ELP4: variants seen among roughly 807,000 people sequenced by gnomAD.
The protein encoded by ELP4 is elongator complex protein 4.
ELP4 carries 51 observed loss-of-function variants against 48.9 expected under a neutral mutation model. The ratio of observed to expected loss-of-function variants is 1.04; its 90% confidence interval spans 0.83 to 1.32. The LOEUF (loss-of-function observed/expected upper bound fraction) is 1.32, where lower values mean the gene tolerates loss of function less well. Among genes scored for constraint, ELP4 ranks in the 40% most tolerant of loss-of-function variants. The pLI is 0.00. For missense variants in ELP4, 519 were observed against 514.6 expected, an observed-to-expected ratio of 1.01 and a Z score of -0.08; for synonymous variants, 210 against 189.2, an observed-to-expected ratio of 1.11 and a Z score of -0.90.
In ELP4 at chr11:31,788,684, G is replaced by A; in HGVS notation, c.*5160G>A. On this transcript the variant is annotated 3_prime_UTR_variant, in exon 10 of 10. Transcript: ENST00000640961. ...AGACTTTGAGCTTTAGAATTAAATG[G>A]CTAACTGGGAAATGTTACCATTTTG... 4.7e-6 allele frequency: 1 copy of A among 214,004 alleles called. No individual in the cohort carries two copies. The highest frequency in any genetic ancestry group is 7.0e-5 in the East Asian group (1 of 14,324). The allele number at this position is 214,004 out of a possible 1,614,324, so 13.3% of individuals were successfully genotyped here. A position where few individuals can be genotyped will look rare whatever the true frequency, so the allele number is the denominator to read the frequency against.
At position 31,787,263 on chromosome 11, in the gene ELP4, C is replaced by G; in HGVS notation, c.*3739C>G. On this transcript the variant is annotated 3_prime_UTR_variant, in exon 10 of 10. Transcript: ENST00000640961. Reference sequence around the variant, plus strand: ...CTATACCAGACTGTGCTACTTTGCCCTGGCAATCCTGACCTTCAGAGCACA... The same window carrying G: ...CTATACCAGACTGTGCTACTTTGCCGTGGCAATCCTGACCTTCAGAGCACA... 4.3e-6 allele frequency: 1 copy of G among 233,010 alleles called. No homozygotes were observed. Among genetic ancestry groups the G allele is most frequent in the Non-Finnish European group, 8.5e-6 (1 of 117,902 alleles). 14.4% of individuals were successfully genotyped at this position (233,010 alleles called of 1,614,324 possible).
chr11:31,545,950 C>G (rs181191390), intron 3 of ELP4, among the ~76,000 whole-genome samples: 302 of 151,816 alleles, frequency 2.0e-3, no homozygotes, highest in African/African-American at 6.9e-3. Flanking sequence ...ATTTTGTCAC[C>G]ACCAGGCCTG....
At chr11:31,689,244 C>A (rs1003873125) in intron 9 of ELP4, 1 of 151,916 alleles carries the variant, frequency 6.6e-6, no homozygotes, top group African/African-American at 2.4e-5. Flanking sequence ...AGTGGAAGAC[C>A]AACCTAGGCA....
chr11:31,647,790 G>A lies in ELP4; in HGVS notation c.977G>A (p.Gly326Asp). ...ACAACCTTGTCAGATGTAGTAGTTGGTCTGGAATCATTTATTGGTTCTGAG... is the reference window on the plus strand; with the variant it reads ...ACAACCTTGTCAGATGTAGTAGTTGATCTGGAATCATTTATTGGTTCTGAG... ...RVTTLSDVVV[G>D]LESFIGSERE... The change falls in exon 8 of 10, where the codon GGT becomes GAT. Residue 326 changes from glycine to aspartate, a missense_variant. Transcript: ENST00000640961. 1 of 1,609,832 alleles carries A rather than the reference G, an allele frequency of 6.2e-7. No individual in the cohort carries two copies. Among genetic ancestry groups the A allele is most frequent in the Non-Finnish European group, 8.5e-7 (1 of 1,177,082 alleles).
At position 31,627,149 on chromosome 11, in the gene ELP4, C is replaced by T; in HGVS notation, c.693C>T (p.Ile231=). 4 of 1,604,358 alleles carry T rather than the reference C, an allele frequency of 2.5e-6. No individual in the cohort carries two copies. Among genetic ancestry groups the T allele is most frequent in the Non-Finnish European group, 3.4e-6 (4 of 1,175,162 alleles). Residue 231 remains isoleucine (I), a synonymous_variant, in exon 6 of 10, where the codon ATC becomes ATT. Transcript: ENST00000640961. ...TPGYTKLLQF[I]QNIIYEEGFD... ...GCTACACAAAGCTGCTTCAGTTTAT[C>T]CAGAACATCATTTATGAGGAAGGAT...
intron 3 of ELP4, among the ~76,000 whole-genome samples, chr11:31,589,421 G>T (rs913520860): frequency 6.6e-6 from 1 of 152,194 alleles, no homozygotes; most frequent in African/African-American, 2.4e-5. Context: ...ATTCAGAAAA[G>T]AGAGAGCTAT....
chr11:31,555,412 T>C (rs1956914777), intron 3 of ELP4, among the ~76,000 whole-genome samples: 1 of 152,092 alleles, frequency 6.6e-6, no homozygotes, highest in Admixed American at 6.5e-5. Context: ...GTTAGTAATA[T>C]TTCTTAAATT....
chr11:31,624,929 T>G (rs1944705652), intron 5 of ELP4, among the ~76,000 whole-genome samples: 1 of 151,634 alleles, frequency 6.6e-6, no homozygotes, highest in African/African-American at 2.4e-5. Context: ...TCAGGGACAG[T>G]AACACACATA....
intron 9 of ELP4, among the ~76,000 whole-genome samples, chr11:31,747,214 A>C (rs1259300370): frequency 6.6e-6 from 1 of 152,168 alleles, no homozygotes; most frequent in Non-Finnish European, 1.5e-5. Context: ...CTAATGCAAA[A>C]CAGACAGTCC....
intron 9 of ELP4, among the ~76,000 whole-genome samples, chr11:31,667,230 T>C (rs1189063083): frequency 6.6e-6 from 1 of 152,216 alleles, no homozygotes; most frequent in East Asian, 1.9e-4. Context: ...AGCAAGCACT[T>C]AATAAGTTTA....
intron 1 of ELP4, among the ~76,000 whole-genome samples, chr11:31,512,797 C>T (rs1162687962): frequency 6.8e-6 from 1 of 146,676 alleles, no homozygotes; most frequent in African/African-American, 2.5e-5. Flanking sequence ...CTCCGCCCCC[C>T]CTCCCCCGCC....
chr11:31,687,827 A>G (rs1446793440), intron 9 of ELP4: 2 of 152,244 alleles, frequency 1.3e-5, no homozygotes, highest in East Asian at 1.9e-4. Flanking sequence ...ATAATTAATC[A>G]TTCTATAATA....
chr11:31,639,971 A>G (rs576144343), intron 7 of ELP4, among the ~76,000 whole-genome samples: 6 of 152,058 alleles, frequency 3.9e-5, no homozygotes, highest in African/African-American at 1.4e-4. Context: ...ATAAATAGTG[A>G]AATGTCTCAT....
chr11:31,683,290 G>C (rs1284015459), intron 9 of ELP4, among the ~76,000 whole-genome samples: 1 of 152,022 alleles, frequency 6.6e-6, no homozygotes, highest in Non-Finnish European at 1.5e-5. Context: ...GTGTAAGCTT[G>C]ATTAAAAATA....
chr11:31,672,959 A>G (rs1277030189), intron 9 of ELP4, among the ~76,000 whole-genome samples: 1 of 152,152 alleles, frequency 6.6e-6, no homozygotes, highest in Non-Finnish European at 1.5e-5. Flanking sequence ...AAAACTTGGA[A>G]ATTAATAAAA....
At chr11:31,558,973 AG>A (rs1395012338) in intron 3 of ELP4, among the ~76,000 whole-genome samples, 1 of 152,164 alleles carries the variant, frequency 6.6e-6, no homozygotes, top group East Asian at 1.9e-4. Context: ...TCCTTTTGAG[AG>A]GGATAAATGA....
At position 31,788,882 on chromosome 11, in the gene ELP4, T is replaced by C. The variant is rs1948938870; in HGVS notation, c.*5358T>C. The C allele has an allele frequency of 9.9e-6, 2 of 201,234 alleles. No individual in the cohort carries two copies. The highest frequency in any genetic ancestry group is 2.1e-5 in the Non-Finnish European group (2 of 97,494). 12.5% of individuals were successfully genotyped at this position (201,234 alleles called of 1,614,324 possible). A position where few individuals can be genotyped will look rare whatever the true frequency, so the allele number is the denominator to read the frequency against. On this transcript the variant is annotated 3_prime_UTR_variant, in exon 10 of 10. Transcript: ENST00000640961. ...ATTGGTTTAGAATGTTGATCTAACA[T>C]GGAAATAAAATTTGTAACACCACAC... is the stretch of plus-strand genomic sequence containing the variant.
intron 7 of ELP4, among the ~76,000 whole-genome samples, chr11:31,641,530 A>G (rs1163910636): frequency 6.6e-6 from 1 of 151,912 alleles, no homozygotes; most frequent in Non-Finnish European, 1.5e-5. Flanking sequence ...GATCTGGTGA[A>G]AATAAGACAC....
chr11:31,560,128 T>G (rs994638856), intron 3 of ELP4, among the ~76,000 whole-genome samples: 7 of 152,158 alleles, frequency 4.6e-5, no homozygotes, highest in Non-Finnish European at 1.0e-4. Context: ...GTTCAAATGT[T>G]GTGTGTTCCT....
Sources: gnomAD v4.1 joint callset for allele counts (sites outside exome capture counted in the v4.1 genomes callset) on GRCh38, gnomAD v4.1.1 for gene constraint, MANE v1.5 for transcripts, NCBI Gene and HGNC (gene_info 2026-07-23, HGNC 2026-07-21) for gene names.